Variants in ZCCHC7 observed in about 807,000 individuals in gnomAD.
ZCCHC7 encodes the protein zinc finger CCHC domain-containing protein 7.
Under a neutral mutation model 52.0 loss-of-function variants are expected in ZCCHC7, and 35 were observed. The ratio of observed to expected loss-of-function variants is 0.67; its 90% CI spans 0.51 to 0.89. The LOEUF (loss-of-function observed/expected upper bound fraction) is 0.89. Ranked by LOEUF, ZCCHC7 falls within the 40% of genes least tolerant of loss-of-function variation. The pLI is 0.00. For synonymous variants in ZCCHC7, 217 were observed against 221.5 expected (o/e 0.98, Z 0.18); for missense variants, 574 against 649.1 (o/e 0.88, Z 1.26).
In ZCCHC7 at chr9:37,164,507, A is replaced by G. The variant is rs562420779; in HGVS notation, c.610+37565A>G. On this transcript the variant is annotated intron_variant, in intron 2 of 8. Transcript: ENST00000336755. ...TAGATAGATAGATAGATAGACAGAC[A>G]AGATAGATAGACTCTGTCTCAGAAG... Among the ~76,000 whole-genome samples the G allele has an allele frequency of 1.8e-4, 27 of 151,698 alleles. No individual in the cohort carries two copies. The East Asian group carries it at 5.1e-3, about 29-fold the overall frequency.
At chr9:37,160,908 TG>T (rs1484682691) in intron 2 of ZCCHC7, among the ~76,000 whole-genome samples, 1 of 151,906 alleles carries the variant, frequency 6.6e-6, no homozygotes, top group East Asian at 1.9e-4. Flanking sequence ...AAAAACTGTA[TG>T]TTCTTAATCT....
chr9:37,348,986 C>T (rs1351996947), intron 6 of ZCCHC7, among the ~76,000 whole-genome samples: 1 of 152,036 alleles, frequency 6.6e-6, no homozygotes, highest in Non-Finnish European at 1.5e-5. Context: ...TGGGGGAGTC[C>T]CCCTCACCAC....
chr9:37,327,052 A>G (rs966742173), intron 5 of ZCCHC7: 7 of 152,076 alleles, frequency 4.6e-5, no homozygotes, highest in African/African-American at 1.7e-4. Context: ...GAAGATTTAT[A>G]TATGTGTTCG....
chr9:37,337,327 C>T (rs1830718239), intron 6 of ZCCHC7, among the ~76,000 whole-genome samples: 1 of 151,680 alleles, frequency 6.6e-6, no homozygotes. Context: ...TATTCTCCAG[C>T]TCGCCTGGTA....
intron 1 of ZCCHC7, among the ~76,000 whole-genome samples, chr9:37,122,006 T>G (rs1269367672): frequency 1.3e-5 from 2 of 152,234 alleles, no homozygotes; most frequent in African/African-American, 4.8e-5. Context: ...AAAATTTTAC[T>G]TTGAAAGTAA....
chr9:37,322,025 G>GT (rs1830074380), intron 5 of ZCCHC7, among the ~76,000 whole-genome samples: 1 of 152,032 alleles, frequency 6.6e-6, no homozygotes, highest in Non-Finnish European at 1.5e-5. Context: ...TTTTATTTTT[G>GT]TTTTTCAGGG....
intron 2 of ZCCHC7, among the ~76,000 whole-genome samples, chr9:37,222,365 G>GTA (rs971116113): frequency 6.6e-6 from 1 of 150,698 alleles, no homozygotes; most frequent in Non-Finnish European, 1.5e-5. Context: ...GTGTGTGTGT[G>GTA]TGTGTGTGTG....
chr9:37,356,525 C>T (rs894735638), intron 8 of ZCCHC7, among the ~76,000 whole-genome samples: 3 of 152,196 alleles, frequency 2.0e-5, no homozygotes, highest in Admixed American at 6.5e-5. Context: ...TGGGGAAACT[C>T]GTATTGGTCA....
chr9:37,181,639 C>T (rs138601224), intron 2 of ZCCHC7, among the ~76,000 whole-genome samples: 220 of 152,222 alleles, frequency 1.4e-3, no homozygotes, highest in Middle Eastern at 3.4e-3. Context: ...TATGTGATTC[C>T]ATTTACGTGA....
intron 5 of ZCCHC7, among the ~76,000 whole-genome samples, chr9:37,325,827 T>A (rs1384124255): frequency 6.6e-6 from 1 of 152,224 alleles, no homozygotes; most frequent in Non-Finnish European, 1.5e-5. Context: ...ACAATACTAT[T>A]GTCTAATAAA....
intron 6 of ZCCHC7, among the ~76,000 whole-genome samples, chr9:37,330,305 A>C (rs890300393): frequency 3.3e-5 from 5 of 151,758 alleles, no homozygotes; most frequent in African/African-American, 9.7e-5. Context: ...CAAGAAAAAT[A>C]AAATGAAATA....
intron 2 of ZCCHC7, among the ~76,000 whole-genome samples, chr9:37,285,720 A>G (rs1210358339): frequency 6.6e-6 from 1 of 152,232 alleles, no homozygotes; most frequent in Non-Finnish European, 1.5e-5. Flanking sequence ...ATTGACTATT[A>G]AAGATTTTTT....
intron 2 of ZCCHC7, among the ~76,000 whole-genome samples, chr9:37,228,649 G>A (rs545874239): frequency 6.6e-6 from 1 of 152,032 alleles, no homozygotes; most frequent in South Asian, 2.1e-4. Context: ...GATTACTGGT[G>A]TGAGCCCCTG....
chr9:37,313,753 G>A (rs970211571), intron 5 of ZCCHC7, among the ~76,000 whole-genome samples: 76 of 152,138 alleles, frequency 5.0e-4, no homozygotes, highest in African/African-American at 1.7e-3. Flanking sequence ...TCCTGCCAAC[G>A]TGAAGGTGCT....
At chr9:37,237,511 G>A (rs1169718414) in intron 2 of ZCCHC7, among the ~76,000 whole-genome samples, 1 of 152,040 alleles carries the variant, frequency 6.6e-6, no homozygotes, top group Non-Finnish European at 1.5e-5. Context: ...TAGTGATATT[G>A]CTTCTAATTT....
intron 5 of ZCCHC7, among the ~76,000 whole-genome samples, chr9:37,320,321 G>T (rs1194757754): frequency 6.6e-6 from 1 of 152,114 alleles, no homozygotes; most frequent in East Asian, 1.9e-4. Context: ...CAGGTGATCC[G>T]CCAACCTTGG....
chr9:37,278,093 G>C (rs1012195389), intron 2 of ZCCHC7, among the ~76,000 whole-genome samples: 1 of 148,654 alleles, frequency 6.7e-6, no homozygotes, highest in Non-Finnish European at 1.5e-5. Context: ...GTGTCACCCA[G>C]GCTGGAGTGC....
intron 2 of ZCCHC7, among the ~76,000 whole-genome samples, chr9:37,196,758 C>T (rs1433847268): frequency 6.6e-6 from 1 of 151,936 alleles, no homozygotes; most frequent in Non-Finnish European, 1.5e-5. Flanking sequence ...AAAAAGCTTT[C>T]TGTTTAATAA....
intron 2 of ZCCHC7, among the ~76,000 whole-genome samples, chr9:37,296,489 A>C (rs554917807): frequency 5.9e-5 from 9 of 151,562 alleles, no homozygotes; most frequent in Non-Finnish European, 1.2e-4. Flanking sequence ...GATCAGGGAG[A>C]GTTTTGGTTT....
Sources: allele counts gnomAD v4.1 joint callset (sites outside exome capture counted in the v4.1 genomes callset), GRCh38; gene constraint gnomAD v4.1.1; transcripts MANE v1.5; gene names NCBI Gene and HGNC (gene_info 2026-07-23, HGNC 2026-07-21).